The following FAT3 variants were observed in gnomAD, a reference collection of about 807,000 sequenced individuals.
FAT3 encodes protocadherin Fat 3.
Under a neutral mutation model 310.2 loss-of-function variants are expected in FAT3, and 95 were observed. The ratio of observed to expected loss-of-function variants is 0.31; its 90% CI spans 0.26 to 0.36. The LOEUF (loss-of-function observed/expected upper bound fraction) is 0.36, where lower values mean the gene tolerates loss of function less well. FAT3 is among the 10% of genes least tolerant of loss of function. The pLI, the probability that FAT3 is intolerant of heterozygous loss-of-function variation, is 1.00. For missense variants in FAT3, 5,408 were observed against 5,715.6 expected (o/e 0.95, Z 1.74); for synonymous variants, 2,314 against 2,192.9 (o/e 1.06, Z -1.54).
intron 25 of FAT3, among the ~76,000 whole-genome samples, chr11:92,887,839 C>T (rs542061450): frequency 6.6e-6 from 1 of 152,252 alleles, no homozygotes; most frequent in Admixed American, 6.5e-5. Context: ...CAGGAACAGT[C>T]ATAAAACAGT....
Position 92,447,224 on chromosome 11 carries a change from T to C in FAT3, c.3293-77410T>C, listed in dbSNP as rs12286983. ...ATATATGTGTATGTATATGTGTGCG[T>C]GTGTGTGTGTGTGTGTGTGTGTGTG... On this transcript the variant is annotated intron_variant, in intron 2 of 27. Transcript: ENST00000525166. Among the ~76,000 whole-genome samples the C allele has an allele frequency of 1.6e-4, 4 of 24,814 alleles. No homozygotes were observed. In the East Asian group the frequency reaches 0.029, roughly 182 times the overall value. The allele number at this position is 24,814 out of a possible 152,430, so 16.3% of individuals were successfully genotyped here. A position where few individuals can be genotyped will look rare whatever the true frequency, so the allele number is the denominator to read the frequency against.
At chr11:92,338,036 C>G (rs1214247326) in intron 1 of FAT3, among the ~76,000 whole-genome samples, 1 of 152,084 alleles carries the variant, frequency 6.6e-6, no homozygotes, top group East Asian at 1.9e-4. Flanking sequence ...AAAGAAAATT[C>G]AGATCTGAAC....
In FAT3 at chr11:92,800,378, C is replaced by T. The variant is rs755570047; in HGVS notation, c.7365C>T (p.Asn2455=). The part of the protein sequence containing the change: ...DSKSGVITLS[N]HRKQRMEPLY... ...AGAGTGGAGTTATCACATTGTCCAA[C>T]CATCGGAAGCAGCGGATGGAGCCTC... Residue 2455 remains asparagine (N), a synonymous_variant, in exon 10 of 28, where the codon AAC becomes AAT. Transcript: ENST00000525166. 4 of 1,613,978 alleles carry T rather than the reference C, an allele frequency of 2.5e-6. No homozygotes were observed. In the Admixed American group the frequency reaches 5.0e-5, roughly 20 times the overall value.
chr11:92,633,042 A>G (rs562746917), intron 3 of FAT3, among the ~76,000 whole-genome samples: 1 of 152,276 alleles, frequency 6.6e-6, no homozygotes, highest in African/African-American at 2.4e-5. Context: ...GTTATAATTT[A>G]CTGTGTTTAT....
chr11:92,348,919 C>A (rs1366577015), intron 1 of FAT3, among the ~76,000 whole-genome samples: 2 of 152,166 alleles, frequency 1.3e-5, no homozygotes, highest in Admixed American at 6.6e-5. Context: ...TTCTGTTCAA[C>A]AAACCAGTGT....
chr11:92,289,749 C>A (rs1203174626), intron 1 of FAT3, among the ~76,000 whole-genome samples: 1 of 151,862 alleles, frequency 6.6e-6, no homozygotes, highest in African/African-American at 2.4e-5. Flanking sequence ...GCTTTGGGGC[C>A]CATTATCTGT....
At chr11:92,834,329 C>T (rs1422714234) in intron 14 of FAT3, among the ~76,000 whole-genome samples, 3 of 152,172 alleles carry the variant, frequency 2.0e-5, no homozygotes, top group Non-Finnish European at 4.4e-5. Flanking sequence ...GTCACTATAC[C>T]TTGAGATTTC....
chr11:92,399,776 G>A (rs538332649), intron 2 of FAT3, among the ~76,000 whole-genome samples: 2 of 152,222 alleles, frequency 1.3e-5, no homozygotes, highest in East Asian at 1.9e-4. Context: ...AACCACTTAC[G>A]CAAATCAGTT....
At chr11:92,311,997 A>C (rs1171321019) in intron 1 of FAT3, among the ~76,000 whole-genome samples, 1 of 152,220 alleles carries the variant, frequency 6.6e-6, no homozygotes, top group African/African-American at 2.4e-5. Flanking sequence ...ACAAGGAAAA[A>C]AAAAACAAAT....
chr11:92,449,425 A>G (rs974347812), intron 2 of FAT3, among the ~76,000 whole-genome samples: 15 of 152,166 alleles, frequency 9.9e-5, no homozygotes, highest in Admixed American at 6.5e-5. Context: ...CCCTATGAGT[A>G]GCTTAATCCC....
rs114456901 is a variant in FAT3, at chr11:92,363,760, C to G, written c.3292+8356C>G. 3.3e-3 allele frequency among the ~76,000 whole-genome samples: 503 copies of G among 152,248 alleles called. 7 individuals are homozygous for G. The highest frequency in any genetic ancestry group is 0.011 in the African/African-American group (471 of 41,536). On this transcript the variant is annotated intron_variant, in intron 2 of 27. Transcript: ENST00000525166. ...CAAGGGAGAGAAATGAAGTTATGATCAAGTGACAGCAGAAACTTTTCTTGG... is the reference window on the plus strand; with the variant it reads ...CAAGGGAGAGAAATGAAGTTATGATGAAGTGACAGCAGAAACTTTTCTTGG...
intron 3 of FAT3, among the ~76,000 whole-genome samples, chr11:92,584,695 T>C (rs2135543113): frequency 6.6e-6 from 1 of 152,138 alleles, no homozygotes; most frequent in Non-Finnish European, 1.5e-5. Flanking sequence ...GAGTGGGGAA[T>C]GCATATATTT....
At chr11:92,792,185 T>C (rs1389974228) in intron 8 of FAT3, among the ~76,000 whole-genome samples, 5 of 152,208 alleles carry the variant, frequency 3.3e-5, no homozygotes, top group Non-Finnish European at 7.3e-5. Flanking sequence ...CCCGTGAGAA[T>C]ACTTAGCCCT....
At chr11:92,879,242 G>T (rs980241907) in intron 22 of FAT3, among the ~76,000 whole-genome samples, 1 of 152,204 alleles carries the variant, frequency 6.6e-6, no homozygotes, top group Non-Finnish European at 1.5e-5. Context: ...TTTGGAGGAA[G>T]TAACTGTGGA....
At chr11:92,671,024 G>A (rs1943112620) in intron 3 of FAT3, among the ~76,000 whole-genome samples, 2 of 151,844 alleles carry the variant, frequency 1.3e-5, no homozygotes, top group South Asian at 4.2e-4. Context: ...ATCACTCCTT[G>A]GCTCACGGTT....
intron 1 of FAT3, among the ~76,000 whole-genome samples, chr11:92,258,448 T>C (rs1865401589): frequency 6.6e-6 from 1 of 152,036 alleles, no homozygotes; most frequent in African/African-American, 2.4e-5. Flanking sequence ...GCTGCAGTCT[T>C]GATTGTGCCA....
intron 1 of FAT3, among the ~76,000 whole-genome samples, chr11:92,333,072 G>T (rs146565724): frequency 6.6e-6 from 1 of 152,120 alleles, no homozygotes; most frequent in African/African-American, 2.4e-5. Flanking sequence ...TGGCTCCAAG[G>T]TCAAGCCAAG....
At chr11:92,258,580 G>C (rs16917246) in intron 1 of FAT3, among the ~76,000 whole-genome samples, 25,729 of 151,912 alleles carry the variant, frequency 0.17, 2,325 homozygotes, top group East Asian at 0.38. Context: ...TTGTGTGGAG[G>C]ATGGTAGTTG....
intron 2 of FAT3, among the ~76,000 whole-genome samples, chr11:92,495,134 G>A (rs1192849152): frequency 6.6e-6 from 1 of 151,734 alleles, no homozygotes; most frequent in Non-Finnish European, 1.5e-5. Context: ...ATAAATTATT[G>A]TATTTGCCTA....
Sources: gnomAD v4.1 joint callset for allele counts (sites outside exome capture counted in the v4.1 genomes callset) on GRCh38, gnomAD v4.1.1 for gene constraint, MANE v1.5 for transcripts, NCBI Gene and HGNC (gene_info 2026-07-23, HGNC 2026-07-21) for gene names.